TRIM44: variants seen among roughly 807,000 people sequenced by gnomAD.
TRIM44 encodes tripartite motif-containing protein 44.
Under a neutral mutation model 37.4 loss-of-function variants are expected in TRIM44, and 13 were observed. The observed-to-expected ratio is 0.35, with a 90% CI of 0.23 to 0.55. The LOEUF is 0.55. TRIM44 is among the 20% of genes least tolerant of loss of function. TRIM44 has a pLI of 0.89. For missense variants in TRIM44, 426 were observed against 437.2 expected (o/e 0.97, Z 0.23); for synonymous variants, 175 against 157.2 (o/e 1.11, Z -0.85).
chr11:35,768,193 A>G (rs552764410), intron 4 of TRIM44, among the ~76,000 whole-genome samples: 2 of 152,356 alleles, frequency 1.3e-5, no homozygotes, highest in South Asian at 4.1e-4. Flanking sequence ...CTTTGAGTGT[A>G]GACTGTAGAA....
chr11:35,814,541 A>T lies in TRIM44; in HGVS notation c.*8156A>T, dbSNP rs576872091. ...GATCTGATGACGCTAAGATTTAAAA[A>T]CCCAGATGCATGTGACTAGAACTAT... On this transcript the variant is annotated 3_prime_UTR_variant, in exon 5 of 5. Transcript: ENST00000299413. The T allele has an allele frequency of 6.6e-6, 1 of 152,130 alleles. No individual in the cohort carries two copies. Among genetic ancestry groups the T allele is most frequent in the East Asian group, 1.9e-4 (1 of 5,172 alleles). 9.4% of individuals were successfully genotyped at this position (152,130 alleles called of 1,614,324 possible).
intron 4 of TRIM44, among the ~76,000 whole-genome samples, chr11:35,752,886 C>G (rs1025195490): frequency 6.6e-6 from 1 of 152,158 alleles, no homozygotes; most frequent in East Asian, 1.9e-4. Flanking sequence ...CATAAACTTG[C>G]CACTGCATGA....
At chr11:35,788,244 A>G (rs1382435455) in intron 4 of TRIM44, among the ~76,000 whole-genome samples, 1 of 152,228 alleles carries the variant, frequency 6.6e-6, no homozygotes, top group African/African-American at 2.4e-5. Context: ...GGGTGGGGAA[A>G]GAGAAAGGAT....
intron 4 of TRIM44, among the ~76,000 whole-genome samples, chr11:35,739,451 A>G (rs144662680): frequency 9.2e-5 from 14 of 152,302 alleles, no homozygotes; most frequent in Admixed American, 2.6e-4. Flanking sequence ...ACAAAAGCCA[A>G]GAGGATTCAC....
rs184890456 is a variant in TRIM44 at position 35,797,017 on chromosome 11, C to T, written c.1008-9341C>T. Among the ~76,000 whole-genome samples the T allele has an allele frequency of 6.8e-4, 103 of 152,266 alleles. 1 individual carries two copies. Among genetic ancestry groups the T allele is most frequent in the Admixed American group, 6.2e-3 (94 of 15,284 alleles). On this transcript the variant is annotated intron_variant, in intron 4 of 4. Transcript: ENST00000299413. ...ATTTCTGGAGGGTAGTATCAAATGC[C>T]TCTAAAACCATATCTCTTGTGTTCT...
At chr11:35,783,184 T>C (rs750265110) in intron 4 of TRIM44, among the ~76,000 whole-genome samples, 5 of 152,174 alleles carry the variant, frequency 3.3e-5, no homozygotes, top group Admixed American at 1.3e-4. Flanking sequence ...TAAGGAGATA[T>C]TGACATAAGT....
In TRIM44 at chr11:35,700,555, A is replaced by T. The variant is rs538348968; in HGVS notation, c.747+15219A>T. Reference sequence around the variant, plus strand: ...AGCAACTTTTACTTTTGGTGCATACATTTCCTTTCATGAATCCTTTCACAA... The same window carrying T: ...AGCAACTTTTACTTTTGGTGCATACTTTTCCTTTCATGAATCCTTTCACAA... On this transcript the variant is annotated intron_variant, in intron 2 of 4. Transcript: ENST00000299413. 5.9e-5 allele frequency among the ~76,000 whole-genome samples: 9 copies of T among 152,242 alleles called. No homozygotes were observed. The South Asian group carries it at 6.2e-4, about 11-fold the overall frequency.
rs974651702 is a variant in TRIM44, at chr11:35,808,917, T to TA, written c.*2533dup. On this transcript the variant is annotated 3_prime_UTR_variant, in exon 5 of 5. Transcript: ENST00000299413. ...TCCCTCCTGCCAGGTCAGTAAAAGTTAGAGAGCTCAGAATTGGGTCTTGCC... is the reference window on the plus strand; with the variant it reads ...TCCCTCCTGCCAGGTCAGTAAAAGTTAAGAGAGCTCAGAATTGGGTCTTGCC... 18 of 152,214 alleles carry TA rather than the reference T, an allele frequency of 1.2e-4. No homozygotes were observed. The highest frequency in any genetic ancestry group is 4.1e-4 in the African/African-American group (17 of 41,440). 9.4% of individuals were successfully genotyped at this position (152,214 alleles called of 1,614,324 possible).
At chr11:35,720,683 T>C (rs1400162701) in intron 2 of TRIM44, among the ~76,000 whole-genome samples, 1 of 152,114 alleles carries the variant, frequency 6.6e-6, no homozygotes, top group Non-Finnish European at 1.5e-5. Flanking sequence ...TAATTGTAGA[T>C]GTTCTTTATT....
At chr11:35,758,994 CAAGGAGT>C in intron 4 of TRIM44, among the ~76,000 whole-genome samples, 1 of 152,250 alleles carries the variant, frequency 6.6e-6, no homozygotes, top group East Asian at 1.9e-4. Context: ...TTGCTCTTCT[CAAGGAGT>C]ATCTTTGTGG....
chr11:35,693,401 C>T (rs1048691257), intron 2 of TRIM44, among the ~76,000 whole-genome samples: 2 of 152,102 alleles, frequency 1.3e-5, no homozygotes, highest in Non-Finnish European at 2.9e-5. Flanking sequence ...TTGAAACCCA[C>T]TGAGAAACAG....
chr11:35,760,887 A>C (rs1407716497), intron 4 of TRIM44, among the ~76,000 whole-genome samples: 1 of 152,170 alleles, frequency 6.6e-6, no homozygotes, highest in Non-Finnish European at 1.5e-5. Context: ...TTGATCTATT[A>C]AACTTATTCC....
At position 35,678,878 on chromosome 11, in the gene TRIM44, G is replaced by A. The variant is rs141096924; in HGVS notation, c.670-6381G>A. On this transcript the variant is annotated intron_variant, in intron 1 of 4. Coordinates refer to ENST00000299413, the MANE Select transcript of TRIM44 (RefSeq NM_017583.6). ...GCCTCCCAAAGTGCTGGGATTACAGGTATGAGTCACTGCGCCTGACCAAGG... is the reference window on the plus strand; with the variant it reads ...GCCTCCCAAAGTGCTGGGATTACAGATATGAGTCACTGCGCCTGACCAAGG... Among the ~76,000 whole-genome samples, 279 of 152,222 alleles carry A rather than the reference G, an allele frequency of 1.8e-3. 2 individuals are homozygous for A. The highest frequency in any genetic ancestry group is 6.5e-3 in the African/African-American group (268 of 41,526).
At position 35,685,319 on chromosome 11, in the gene TRIM44, A is replaced by G. The variant is rs1293301410; in HGVS notation, c.730A>G (p.Lys244Glu). The G allele has an allele frequency of 1.2e-6, 2 of 1,614,086 alleles. No homozygotes were observed. Among genetic ancestry groups the G allele is most frequent in the Admixed American group, 3.3e-5 (2 of 60,012 alleles). ...CGAATTGGTGGAAAGGTTGAAGTTC[A>G]AGAGCTCAGACCCTAAAGTAAGTAT... ...MIELVERLKF[K>E]SSDPKVTRDQ... Residue 244 changes from lysine to glutamate, a missense_variant, in exon 2 of 5, where the codon AAG becomes GAG. This residue lies in a region of TRIM44 where 95 missense variants were observed against 134.2 expected (regional missense o/e 0.71). Transcript: ENST00000299413.
intron 4 of TRIM44, among the ~76,000 whole-genome samples, chr11:35,789,787 C>T (rs947802036): frequency 1.3e-5 from 2 of 152,188 alleles, no homozygotes; most frequent in African/African-American, 4.8e-5. Flanking sequence ...TCTGCCTGGG[C>T]CCTGCAATTG....
At chr11:35,668,384 A>G (rs1328371171) in intron 1 of TRIM44, among the ~76,000 whole-genome samples, 2 of 152,130 alleles carry the variant, frequency 1.3e-5, no homozygotes, top group Non-Finnish European at 2.9e-5. Flanking sequence ...ATCCACTGAC[A>G]GGCTCCAGTG....
At chr11:35,676,006 A>T (rs533985004) in intron 1 of TRIM44, among the ~76,000 whole-genome samples, 1 of 152,234 alleles carries the variant, frequency 6.6e-6, no homozygotes, top group East Asian at 1.9e-4. Context: ...AAAATGGGAG[A>T]AGAATATTGA....
At chr11:35,738,328 A>G (rs982233059) in intron 4 of TRIM44, among the ~76,000 whole-genome samples, 1 of 152,010 alleles carries the variant, frequency 6.6e-6, no homozygotes, top group Admixed American at 6.5e-5. Context: ...ATACCTTTGT[A>G]TCATTTTGAC....
chr11:35,686,362 G>GTTTTT (rs201740615), intron 2 of TRIM44, among the ~76,000 whole-genome samples: 33 of 143,762 alleles, frequency 2.3e-4, no homozygotes, highest in African/African-American at 8.2e-4. Flanking sequence ...GGTTCTTTTT[G>GTTTTT]TTTTTGTTTT....
Sources: allele counts gnomAD v4.1 joint callset (sites outside exome capture counted in the v4.1 genomes callset), GRCh38; gene constraint gnomAD v4.1.1; regional missense constraint gnomAD v4.1.1; transcripts MANE v1.5; gene names NCBI Gene and HGNC (gene_info 2026-07-23, HGNC 2026-07-21).